PDZD2: variants seen among roughly 807,000 people sequenced by gnomAD.
PDZD2 encodes PDZ domain containing 2.
Under a neutral mutation model 220.7 loss-of-function variants are expected in PDZD2, and 90 were observed. The observed-to-expected ratio is 0.41, with a 90% CI of 0.34 to 0.49. PDZD2 has a LOEUF of 0.49. PDZD2 is among the 20% of genes least tolerant of loss of function. The pLI is 0.28. For synonymous variants in PDZD2, 1,375 were observed against 1,450.5 expected, an observed-to-expected ratio of 0.95 and a Z score of 1.18; for missense variants, 3,174 against 3,608.5, an observed-to-expected ratio of 0.88 and a Z score of 3.08.
Position 32,085,242 on chromosome 5 carries a change from G to A in PDZD2, c.3683-1889G>A, listed in dbSNP as rs111386587. On this transcript the variant is annotated intron_variant, in intron 19 of 24. Coordinates refer to ENST00000438447, the MANE Select transcript of PDZD2 (RefSeq NM_178140.4). Reference sequence around the variant, plus strand: ...GCTGGGATTACAGGCGTGATCCACCGTGCCCAGCTGCCTTTTTTTTTTTTT... The same window carrying A: ...GCTGGGATTACAGGCGTGATCCACCATGCCCAGCTGCCTTTTTTTTTTTTT... Among the ~76,000 whole-genome samples, 350 of 135,264 alleles carry A rather than the reference G, an allele frequency of 2.6e-3. 1 individual carries two copies. The highest frequency in any genetic ancestry group is 0.011 in the African/African-American group (333 of 30,986). The allele number at this position is 135,264 out of a possible 152,430, so 88.7% of individuals were successfully genotyped here. A position where few individuals can be genotyped will look rare whatever the true frequency, so the allele number is the denominator to read the frequency against.
chr5:31,802,207 A>G (rs1215535943), intron 2 of PDZD2, among the ~76,000 whole-genome samples: 3 of 150,170 alleles, frequency 2.0e-5, no homozygotes, highest in Non-Finnish European at 3.0e-5. Flanking sequence ...GTTTGTTGGG[A>G]TGGTGGTATT....
intron 1 of PDZD2, among the ~76,000 whole-genome samples, chr5:31,715,029 A>G (rs1469056017): frequency 6.7e-6 from 1 of 148,426 alleles, no homozygotes; most frequent in Non-Finnish European, 1.5e-5. Context: ...ACTGCACTCC[A>G]GCCTAGGCAA....
chr5:31,812,125 G>T (rs984087134), intron 2 of PDZD2, among the ~76,000 whole-genome samples: 1 of 152,104 alleles, frequency 6.6e-6, no homozygotes, highest in South Asian at 2.1e-4. Context: ...ATTTAGTCCA[G>T]ATATCCACTC....
intron 2 of PDZD2, among the ~76,000 whole-genome samples, chr5:31,978,566 T>C (rs928902759): frequency 1.3e-5 from 2 of 151,864 alleles, no homozygotes; most frequent in African/African-American, 2.4e-5. Flanking sequence ...AAAAGTACAA[T>C]TAGCCAGGTG....
At chr5:31,845,626 T>C (rs900187771) in intron 2 of PDZD2, among the ~76,000 whole-genome samples, 3 of 152,218 alleles carry the variant, frequency 2.0e-5, no homozygotes, top group Non-Finnish European at 2.9e-5. Flanking sequence ...TCCGGACAGA[T>C]AGCATTGGGT....
At chr5:31,689,570 ATAAGT>A (rs1165594264) in intron 1 of PDZD2, among the ~76,000 whole-genome samples, 2 of 151,620 alleles carry the variant, frequency 1.3e-5, no homozygotes, top group African/African-American at 4.9e-5. Context: ...GATATGTCTA[ATAAGT>A]TAAGAATATT....
chr5:32,040,844 C>T (rs1379449860), intron 7 of PDZD2, among the ~76,000 whole-genome samples: 7 of 147,654 alleles, frequency 4.7e-5, no homozygotes, highest in African/African-American at 1.0e-4. Context: ...AAGCGAGGAG[C>T]GCCTCTGCCC....
chr5:31,975,216 C>CATA (rs762511421), intron 2 of PDZD2, among the ~76,000 whole-genome samples: 13 of 152,304 alleles, frequency 8.5e-5, no homozygotes, highest in Non-Finnish European at 1.8e-4. Flanking sequence ...AATGGGCTTA[C>CATA]AGTTCCATGT....
At chr5:31,760,452 A>G (rs982530247) in intron 1 of PDZD2, among the ~76,000 whole-genome samples, 2 of 152,210 alleles carry the variant, frequency 1.3e-5, no homozygotes, top group Admixed American at 6.5e-5. Flanking sequence ...AGACATGCCT[A>G]GGTTATCATG....
intron 21 of PDZD2, among the ~76,000 whole-genome samples, chr5:32,094,594 G>A (rs975352309): frequency 1.3e-4 from 20 of 151,858 alleles, no homozygotes; most frequent in African/African-American, 4.8e-4. Flanking sequence ...ATTCTCAGCC[G>A]CTGATTTGGG....
At chr5:31,984,729 T>C (rs561180227) in intron 3 of PDZD2, among the ~76,000 whole-genome samples, 1 of 152,164 alleles carries the variant, frequency 6.6e-6, no homozygotes, top group African/African-American at 2.4e-5. Context: ...GCTGGGGGCC[T>C]GAGTGAGAGG....
chr5:31,660,389 T>C (rs1745713926), intron 1 of PDZD2, among the ~76,000 whole-genome samples: 1 of 152,138 alleles, frequency 6.6e-6, no homozygotes, highest in Non-Finnish European at 1.5e-5. Flanking sequence ...TAGTCCATTC[T>C]CACACTGCTA....
intron 1 of PDZD2, among the ~76,000 whole-genome samples, chr5:31,672,137 GGC>G (rs1301094836): frequency 4.6e-5 from 7 of 152,162 alleles, no homozygotes; most frequent in Non-Finnish European, 7.4e-5. Context: ...TACCCTAGGA[GGC>G]AAAATCACTC....
At chr5:31,899,059 C>T (rs1180958626) in intron 2 of PDZD2, among the ~76,000 whole-genome samples, 1 of 152,016 alleles carries the variant, frequency 6.6e-6, no homozygotes, top group African/African-American at 2.4e-5. Context: ...AATCTCCTGA[C>T]CTCATGATCT....
In PDZD2 at chr5:31,908,103, AAAAAAG is replaced by A. The variant is rs1742834416; in HGVS notation, c.477-75048_477-75043del. The stretch of plus-strand genomic sequence containing the variant: ...GTCTCAAAAAAAAAAAAAAAAAAAA[AAAAAAG>A]AAAGAAAAGGATCAGGTAGTAAATA... On this transcript the variant is annotated intron_variant, in intron 2 of 24. Transcript: ENST00000438447. Among the ~76,000 whole-genome samples, 4 of 151,560 alleles carry A rather than the reference AAAAAAG, an allele frequency of 2.6e-5. No homozygotes were observed. In the East Asian group the frequency reaches 5.8e-4, roughly 22 times the overall value.
intron 1 of PDZD2, among the ~76,000 whole-genome samples, chr5:31,780,793 C>A (rs958800975): frequency 2.0e-5 from 3 of 152,190 alleles, no homozygotes; most frequent in African/African-American, 7.2e-5. Flanking sequence ...TTTTCCCTCT[C>A]ACTCTGTGAT....
In PDZD2 at chr5:32,071,375, C is replaced by G. The variant is rs773618672; in HGVS notation, c.2534-9C>G. 3.1e-6 allele frequency: 5 copies of G among 1,600,638 alleles called. No individual in the cohort carries two copies. Among genetic ancestry groups the G allele is most frequent in the Non-Finnish European group, 4.3e-6 (5 of 1,167,694 alleles). ...GTTTTGACAATATGGTGAATTTTCC[C>G]TCCAACAGGTACCCCCTTGAAGAGT... On this transcript the variant is annotated splice_polypyrimidine_tract_variant and intron_variant, in intron 15 of 24. Transcript: ENST00000438447.
intron 2 of PDZD2, among the ~76,000 whole-genome samples, chr5:31,888,845 G>C (rs928549310): frequency 9.2e-5 from 14 of 152,046 alleles, no homozygotes; most frequent in Admixed American, 3.3e-4. Context: ...CAGGGCATGG[G>C]ATCTCACCAT....
At chr5:31,823,292 C>A (rs1756016675) in intron 2 of PDZD2, among the ~76,000 whole-genome samples, 1 of 151,036 alleles carries the variant, frequency 6.6e-6, no homozygotes, top group African/African-American at 2.4e-5. Flanking sequence ...CATGGTGAAA[C>A]CTGTCTTTAC....
Sources: allele counts gnomAD v4.1 joint callset (sites outside exome capture counted in the v4.1 genomes callset), GRCh38; gene constraint gnomAD v4.1.1; transcripts MANE v1.5; gene names NCBI Gene and HGNC (gene_info 2026-07-23, HGNC 2026-07-21).